Variants in TMEM47 observed in about 807,000 individuals in gnomAD.
TMEM47 encodes brain cell membrane protein 1.
Under a neutral mutation model 12.4 loss-of-function variants are expected in TMEM47, and 3 were observed. That is an observed-to-expected ratio of 0.24 (90% CI 0.11 to 0.63). The LOEUF is 0.63. Ranked by LOEUF, TMEM47 falls within the 20% of genes least tolerant of loss-of-function variation. TMEM47 has a pLI of 0.86. For missense variants in TMEM47, 89 were observed against 143.8 expected, an observed-to-expected ratio of 0.62 and a Z score of 1.95; for synonymous variants, 62 against 63.3, an observed-to-expected ratio of 0.98 and a Z score of 0.10.
At chrX:34,641,283 AATCC>A (rs756198060) in intron 1 of TMEM47, among the ~76,000 whole-genome samples, 4 of 111,019 alleles carry the variant, frequency 3.6e-5, no homozygotes, top group Admixed American at 9.6e-5. Context: ...AAAAAAATAA[AATCC>A]ATCCATCCAT....
At chrX:34,656,098 C>G (rs1348091977) in intron 1 of TMEM47, among the ~76,000 whole-genome samples, 1 of 111,026 alleles carries the variant, frequency 9.0e-6, no homozygotes. Context: ...GCACAACTTT[C>G]TAGGCATCTG....
chrX:34,630,561 A>C, intron 2 of TMEM47, 70 bp from the exon 3 acceptor site: 1 of 994,358 alleles, frequency 1.0e-6, no homozygotes, highest in Non-Finnish European at 1.3e-6. Context: ...ATATGTAACT[A>C]TATATGTATG....
At chrX:34,648,219 C>A (rs923951197) in intron 1 of TMEM47, among the ~76,000 whole-genome samples, 4 of 111,631 alleles carry the variant, frequency 3.6e-5, no homozygotes, top group African/African-American at 1.3e-4. Flanking sequence ...AAAAAGAGCC[C>A]GAATAGCAAA....
At chrX:34,636,426 A>G (rs1384480013) in intron 2 of TMEM47, among the ~76,000 whole-genome samples, 1 of 112,377 alleles carries the variant, frequency 8.9e-6, no homozygotes. Flanking sequence ...GAATTATAAA[A>G]GAGAATTTTC....
At position 34,639,335 on chromosome X, in the gene TMEM47, G is replaced by A; in HGVS notation, c.279C>T (p.Leu93=). Reference sequence around the variant, plus strand: ...AAATCAAACCCACCAGGAATGCAATGAGAATGATGGCAGCGCCGCCCAGGA... The same window carrying A: ...AAATCAAACCCACCAGGAATGCAATAAGAATGATGGCAGCGCCGCCCAGGA... ...ALLLGGAAII[L]IAFLVGLISI... is the part of the protein sequence containing the mutation. The change falls in exon 2 of 3, where the codon CTC becomes CTT. Residue 93 remains leucine, a synonymous_variant. Transcript: ENST00000275954. 3 of 1,208,441 alleles carry A rather than the reference G, an allele frequency of 2.5e-6. No individual in the cohort carries two copies. Among genetic ancestry groups the A allele is most frequent in the East Asian group, 5.9e-5 (2 of 33,677 alleles).
At chrX:34,639,063 A>G (rs769224153) in intron 2 of TMEM47, among the ~76,000 whole-genome samples, 184 bp downstream of exon 2, 1 of 112,077 alleles carries the variant, frequency 8.9e-6, no homozygotes, top group African/African-American at 3.2e-5. Context: ...GCTCTGTGAA[A>G]TGCTTAACAC....
rs1204678892 is a variant in TMEM47, at chrX:34,656,800, T to A, written c.226+4A>T. 8.6e-7 allele frequency: 1 copy of A among 1,164,163 alleles called. No homozygotes were observed. Among genetic ancestry groups the A allele is most frequent in the East Asian group, 3.3e-5 (1 of 30,750 alleles). ...GCAGGGGTCGCGGCGCGCCAGGCCC[T>A]CACCGCTGCTGAGCGTGGACTCGCA... On this transcript the variant is annotated splice_donor_region_variant and intron_variant, in intron 1 of 2. Transcript: ENST00000275954.
At chrX:34,648,159 G>A (rs1007355776) in intron 1 of TMEM47, among the ~76,000 whole-genome samples, 4 of 111,294 alleles carry the variant, frequency 3.6e-5, no homozygotes, top group African/African-American at 1.3e-4. Flanking sequence ...TTCCTATCTG[G>A]CATTCTTCAC....
intron 2 of TMEM47, among the ~76,000 whole-genome samples, chrX:34,635,089 C>A (rs1480207195): frequency 9.0e-6 from 1 of 111,681 alleles, no homozygotes; most frequent in Non-Finnish European, 1.9e-5. Context: ...CCACTAAAGC[C>A]TCTTCAGCTG....
At chrX:34,638,580 T>G (rs1921758903) in intron 2 of TMEM47, among the ~76,000 whole-genome samples, 1 of 111,853 alleles carries the variant, frequency 8.9e-6, no homozygotes, top group Admixed American at 9.5e-5. Context: ...ATATTGCAGT[T>G]TGAGTCAAAA....
chrX:34,630,304 C>T lies in TMEM47; in HGVS notation c.*9G>A. On this transcript the variant is annotated 3_prime_UTR_variant, in exon 3 of 3. Coordinates refer to ENST00000275954, the MANE Select transcript of TMEM47 (RefSeq NM_031442.4). ...GGTGGTGGTTGTTTTTACTTTGAGACTATTGGTTCTAGTAGTAGTCTTCAT... is the reference window on the plus strand; with the variant it reads ...GGTGGTGGTTGTTTTTACTTTGAGATTATTGGTTCTAGTAGTAGTCTTCAT... The T allele has an allele frequency of 8.5e-7, 1 of 1,181,078 alleles. No individual in the cohort carries two copies. Among genetic ancestry groups the T allele is most frequent in the Non-Finnish European group, 1.1e-6 (1 of 877,915 alleles).
Position 34,639,302 on chromosome X carries a change from G to A in TMEM47, c.312C>T (p.Cys104=), listed in dbSNP as rs752172145. 1.7e-6 allele frequency: 2 copies of A among 1,205,028 alleles called. No homozygotes were observed. Among genetic ancestry groups the A allele is most frequent in the Non-Finnish European group, 1.1e-6 (1 of 892,043 alleles). ...TATAGAAACGCCTTCGAGATCCCAC[G>A]CAGATAGAAATCAAACCCACCAGGA... ...IAFLVGLISI[C]VGSRRRFYRP... Residue 104 remains cysteine, a synonymous_variant, in exon 2 of 3, where the codon TGC becomes TGT. Coordinates refer to ENST00000275954, the MANE Select transcript of TMEM47 (RefSeq NM_031442.4).
rs1206568983 is a variant in TMEM47 at position 34,629,087 on chromosome X, G to A, written c.*1226C>T. 5 of 111,317 alleles carry A rather than the reference G, an allele frequency of 4.5e-5. No individual in the cohort carries two copies. The highest frequency in any genetic ancestry group is 9.4e-5 in the Non-Finnish European group (5 of 52,983). 9.2% of individuals were successfully genotyped at this position (111,317 alleles called of 1,213,427 possible). On this transcript the variant is annotated 3_prime_UTR_variant, in exon 3 of 3. Coordinates refer to ENST00000275954, the MANE Select transcript of TMEM47 (RefSeq NM_031442.4). ...ATTTAGATATTTATATAAATCTATC[G>A]CTATTCCTTTCTTAAAAAAATGAAG...
chrX:34,644,895 T>C (rs1921883456), intron 1 of TMEM47, among the ~76,000 whole-genome samples: 1 of 111,294 alleles, frequency 9.0e-6, no homozygotes, highest in Non-Finnish European at 1.9e-5. Flanking sequence ...TTTGAACCCC[T>C]CCAAAAGGAA....
At chrX:34,652,848 G>A (rs186867575) in intron 1 of TMEM47, among the ~76,000 whole-genome samples, 2 of 112,178 alleles carry the variant, frequency 1.8e-5, no homozygotes, top group Non-Finnish European at 3.8e-5. Flanking sequence ...AAGGAAGCCA[G>A]AAGTGGGTAT....
At chrX:34,648,220 G>A (rs1194032715) in intron 1 of TMEM47, among the ~76,000 whole-genome samples, 3 of 111,685 alleles carry the variant, frequency 2.7e-5, no homozygotes, top group South Asian at 3.7e-4. Context: ...AAAAGAGCCC[G>A]AATAGCAAAG....
chrX:34,643,565 G>A (rs1921856605), intron 1 of TMEM47, among the ~76,000 whole-genome samples: 1 of 111,737 alleles, frequency 8.9e-6, no homozygotes. Context: ...AATTTTAGTT[G>A]TCCAATTATA....
chrX:34,632,859 A>G (rs1921650029), intron 2 of TMEM47, among the ~76,000 whole-genome samples: 1 of 111,721 alleles, frequency 9.0e-6, no homozygotes, highest in African/African-American at 3.3e-5. Context: ...AGGAAAAGGG[A>G]GCTTTCATGT....
intron 2 of TMEM47, among the ~76,000 whole-genome samples, chrX:34,634,522 C>A (rs182439149): frequency 8.9e-6 from 1 of 112,162 alleles, no homozygotes; most frequent in African/African-American, 3.2e-5. Flanking sequence ...AAGACATGGC[C>A]CTCGCCCTTT....
Sources: allele counts gnomAD v4.1 joint callset (sites outside exome capture counted in the v4.1 genomes callset), GRCh38; gene constraint gnomAD v4.1.1; transcripts MANE v1.5; gene names NCBI Gene and HGNC (gene_info 2026-07-23, HGNC 2026-07-21).